GALNTL5: variants seen among roughly 807,000 people sequenced by gnomAD.
GALNTL5 encodes the protein inactive polypeptide N-acetylgalactosaminyltransferase-like protein 5.
Under a neutral mutation model 51.0 loss-of-function variants are expected in GALNTL5, and 44 were observed. The ratio of observed to expected loss-of-function variants is 0.86; its 90% CI spans 0.68 to 1.11. The LOEUF (loss-of-function observed/expected upper bound fraction) is 1.11. Among genes scored for constraint, GALNTL5 ranks in the 50% least tolerant of loss-of-function variants. GALNTL5 has a pLI of 0.00. For missense variants in GALNTL5, 528 were observed against 531.8 expected (o/e 0.99, Z 0.07); for synonymous variants, 192 against 182.8 (o/e 1.05, Z -0.41).
chr7:152,013,497 A>G (rs1459736794), intron 7 of GALNTL5, among the ~76,000 whole-genome samples: 1 of 152,186 alleles, frequency 6.6e-6, no homozygotes, highest in Non-Finnish European at 1.5e-5. Flanking sequence ...TTGTATCGCT[A>G]AAGTGGTTCT....
At chr7:151,993,083 C>CA (rs1238981234) in intron 5 of GALNTL5, among the ~76,000 whole-genome samples, 1 of 152,010 alleles carries the variant, frequency 6.6e-6, no homozygotes, top group Non-Finnish European at 1.5e-5. Flanking sequence ...ACTAAAAATA[C>CA]AAAAACTAGC....
At chr7:151,963,130 G>A (rs1441145135) in intron 1 of GALNTL5, among the ~76,000 whole-genome samples, 5 of 152,134 alleles carry the variant, frequency 3.3e-5, no homozygotes, top group African/African-American at 1.2e-4. Flanking sequence ...CTGTTGAGAA[G>A]TTTGATGTCA....
At chr7:152,001,603 C>G (rs1233113123) in intron 5 of GALNTL5, among the ~76,000 whole-genome samples, 1 of 152,090 alleles carries the variant, frequency 6.6e-6, no homozygotes, top group African/African-American at 2.4e-5. Flanking sequence ...TGTGTCTATC[C>G]TTACACCAAT....
At chr7:152,004,498 T>A (rs1407894908) in intron 6 of GALNTL5, among the ~76,000 whole-genome samples, 1 of 152,302 alleles carries the variant, frequency 6.6e-6, no homozygotes, top group East Asian at 1.9e-4. Context: ...AGTGCAATTT[T>A]GTTATATGGC....
chr7:151,961,708 G>A (rs528224478), intron 1 of GALNTL5, among the ~76,000 whole-genome samples: 32 of 152,318 alleles, frequency 2.1e-4, no homozygotes, highest in African/African-American at 7.5e-4. Context: ...ACCTTTTCCA[G>A]GTGCAGGGAT....
At chr7:151,970,126 T>G (rs2081114621) in intron 2 of GALNTL5, among the ~76,000 whole-genome samples, 1 of 107,372 alleles carries the variant, frequency 9.3e-6, no homozygotes, top group African/African-American at 3.3e-5. Context: ...CTGAATTCTT[T>G]GGTGGGTGGG....
intron 6 of GALNTL5, among the ~76,000 whole-genome samples, chr7:152,004,533 G>C (rs1252679847): frequency 1.3e-5 from 2 of 151,984 alleles, no homozygotes; most frequent in Non-Finnish European, 2.9e-5. Flanking sequence ...GTAAAGTCTG[G>C]ACTTTCCAAG....
At position 151,957,626 on chromosome 7, in the gene GALNTL5, G is replaced by A. The variant is rs187417752; in HGVS notation, c.-40+1017G>A. Among the ~76,000 whole-genome samples, 50 of 151,980 alleles carry A rather than the reference G, an allele frequency of 3.3e-4. No homozygotes were observed. In the East Asian group the frequency reaches 8.7e-3, roughly 26 times the overall value. On this transcript the variant is annotated intron_variant, in intron 1 of 8. Transcript: ENST00000392800. ...TGCAGATTTAGGCTAGGGTTTTGGCGTGTTGGTGGGGGCATGTTGGTGACT... is the reference window on the plus strand; with the variant it reads ...TGCAGATTTAGGCTAGGGTTTTGGCATGTTGGTGGGGGCATGTTGGTGACT...
chr7:151,979,390 A>T (rs946692593), intron 3 of GALNTL5, among the ~76,000 whole-genome samples: 42 of 151,116 alleles, frequency 2.8e-4, no homozygotes, highest in African/African-American at 1.0e-3. Flanking sequence ...CTGGGATTAC[A>T]GGTGTGAGCC....
intron 5 of GALNTL5, among the ~76,000 whole-genome samples, chr7:152,000,610 G>A (rs759462168): frequency 1.4e-4 from 22 of 152,000 alleles, no homozygotes; most frequent in East Asian, 7.7e-4. Flanking sequence ...CATTCTTGCC[G>A]TCCTAGTGGA....
chr7:151,996,776 A>G (rs1010785947), intron 5 of GALNTL5, among the ~76,000 whole-genome samples: 1 of 148,660 alleles, frequency 6.7e-6, no homozygotes, highest in Non-Finnish European at 1.5e-5. Context: ...AAGATACAGC[A>G]ATAACATAAC....
chr7:151,964,918 C>T (rs1365678772), intron 1 of GALNTL5, among the ~76,000 whole-genome samples: 1 of 152,174 alleles, frequency 6.6e-6, no homozygotes, highest in Non-Finnish European at 1.5e-5. Flanking sequence ...TGCCGGGATC[C>T]TGTGTGGGAG....
rs1554405638 is a variant in GALNTL5, at chr7:151,979,106, C to CCTT, written c.369-3880_369-3879insCTT. On this transcript the variant is annotated intron_variant, in intron 3 of 8. Transcript: ENST00000392800. ...AAAGGCCATCCAAATTACTTTTACT[C>CCTT]TTTTTTTTTTTTTTTTTTTTGGAGA... is the stretch of plus-strand genomic sequence containing the variant. 8.2e-4 allele frequency among the ~76,000 whole-genome samples: 58 copies of CCTT among 71,148 alleles called. 8 individuals are homozygous for CCTT. The highest frequency in any genetic ancestry group is 7.5e-4 in the East Asian group (2 of 2,658). 46.7% of individuals were successfully genotyped at this position (71,148 alleles called of 152,430 possible).
At chr7:151,993,673 T>G (rs529712351) in intron 5 of GALNTL5, among the ~76,000 whole-genome samples, 6 of 152,110 alleles carry the variant, frequency 3.9e-5, no homozygotes, top group African/African-American at 1.2e-4. Context: ...CACGCTGGAG[T>G]GCAGTGGAGT....
intron 5 of GALNTL5, among the ~76,000 whole-genome samples, chr7:152,002,351 A>G (rs765294884): frequency 6.6e-6 from 1 of 152,168 alleles, no homozygotes; most frequent in Non-Finnish European, 1.5e-5. Context: ...ACCAAACTCA[A>G]TGCCTAAGAA....
intron 7 of GALNTL5, among the ~76,000 whole-genome samples, chr7:152,012,652 A>G (rs1295485014): frequency 1.3e-5 from 2 of 152,192 alleles, no homozygotes; most frequent in Non-Finnish European, 2.9e-5. Context: ...AAAGACATGG[A>G]ATCAACCCAG....
intron 4 of GALNTL5, among the ~76,000 whole-genome samples, chr7:151,986,798 G>A (rs1003803806): frequency 6.7e-6 from 1 of 150,212 alleles, no homozygotes; most frequent in Admixed American, 6.7e-5. Flanking sequence ...GGCCATCTCG[G>A]CTCACTGCAA....
At chr7:151,966,280 T>G (rs1318475503) in intron 1 of GALNTL5, among the ~76,000 whole-genome samples, 1 of 150,598 alleles carries the variant, frequency 6.6e-6, no homozygotes, top group East Asian at 2.0e-4. Flanking sequence ...TTTTTTTTTT[T>G]GTTTGAGACG....
intron 5 of GALNTL5, 66 bp from the exon 6 acceptor site, chr7:152,002,648 T>G (rs1188403721): frequency 1.9e-6 from 3 of 1,556,208 alleles, no homozygotes; most frequent in African/African-American, 2.7e-5. Flanking sequence ...CACATTGAAC[T>G]TTGATTTGGA....
Sources: allele counts gnomAD v4.1 joint callset (sites outside exome capture counted in the v4.1 genomes callset), GRCh38; gene constraint gnomAD v4.1.1; transcripts MANE v1.5; gene names NCBI Gene and HGNC (gene_info 2026-07-23, HGNC 2026-07-21).